Variants in ANK3 observed in about 807,000 individuals in gnomAD.
The protein encoded by ANK3 is ankyrin-3.
ANK3 carries 57 observed loss-of-function variants against 370.9 expected under a neutral mutation model. The ratio of observed to expected loss-of-function variants is 0.15; its 90% CI spans 0.12 to 0.19. ANK3 has a LOEUF of 0.19. ANK3 is among the 10% of genes least tolerant of loss of function. The probability of loss-of-function intolerance (pLI) is 1.00; values close to 1 mark genes in which losing one functional copy is unlikely to be tolerated. For missense variants in ANK3, 4,439 were observed against 5,302.1 expected (o/e 0.84, Z 5.06); for synonymous variants, 1,929 against 1,946.3 (o/e 0.99, Z 0.23).
rs759809728 is a variant in ANK3 at position 60,086,671 on chromosome 10, C to T, written c.3748+6G>A. On this transcript the variant is annotated splice_donor_region_variant and intron_variant, in intron 30 of 43. Transcript: ENST00000280772. Reference sequence around the variant, plus strand: ...AATAGGAAGTACAGCAGTGACTTAACCAAACCTGTAATGCTACAGAGAAGA... The same window carrying T: ...AATAGGAAGTACAGCAGTGACTTAATCAAACCTGTAATGCTACAGAGAAGA... The T allele has an allele frequency of 5.6e-6, 9 of 1,610,808 alleles. No homozygotes were observed. The highest frequency in any genetic ancestry group is 7.6e-6 in the Non-Finnish European group (9 of 1,178,012).
chr10:60,626,668 C>G (rs918692949), intron 1 of ANK3, among the ~76,000 whole-genome samples: 1 of 152,064 alleles, frequency 6.6e-6, no homozygotes, highest in Non-Finnish European at 1.5e-5. Flanking sequence ...ACAGTTCTTC[C>G]AAAACATTGA....
At chr10:60,251,306 T>C (rs911079289) in intron 7 of ANK3, among the ~76,000 whole-genome samples, 1 of 152,150 alleles carries the variant, frequency 6.6e-6, no homozygotes, top group African/African-American at 2.4e-5. Context: ...CTAGACACTT[T>C]CTGAGGAGCA....
chr10:60,532,727 C>T (rs1348370586), intron 2 of ANK3, among the ~76,000 whole-genome samples: 1 of 152,000 alleles, frequency 6.6e-6, no homozygotes, highest in African/African-American at 2.4e-5. Flanking sequence ...GGTTTTCAAC[C>T]AGAATGCTAT....
intron 7 of ANK3, among the ~76,000 whole-genome samples, chr10:60,246,508 A>G (rs2097558544): frequency 6.6e-6 from 1 of 152,216 alleles, no homozygotes; most frequent in Admixed American, 6.5e-5. Context: ...ACTGATGCCA[A>G]TGACATTTCC....
At chr10:60,586,049 C>CA (rs140584665) in intron 2 of ANK3, among the ~76,000 whole-genome samples, 33,163 of 149,378 alleles carry the variant, frequency 0.22, 3,916 homozygotes, top group South Asian at 0.37. Context: ...AACAAACAAA[C>CA]AAAAAAAAGA....
intron 2 of ANK3, among the ~76,000 whole-genome samples, chr10:60,399,640 T>C (rs1453121895): frequency 6.6e-6 from 1 of 152,194 alleles, no homozygotes; most frequent in Non-Finnish European, 1.5e-5. Flanking sequence ...GCCGCTACAG[T>C]TACCCAGGTG....
intron 2 of ANK3, among the ~76,000 whole-genome samples, chr10:60,574,439 T>C (rs7924098): frequency 0.47 from 71,780 of 152,092 alleles, 17,324 homozygotes; most frequent in Non-Finnish European, 0.52. Context: ...CATCTAATCA[T>C]CATGTTCTAC....
intron 2 of ANK3, among the ~76,000 whole-genome samples, chr10:60,512,564 GA>G (rs2076114467): frequency 6.6e-6 from 1 of 152,092 alleles, no homozygotes; most frequent in Non-Finnish European, 1.5e-5. Context: ...GCAGTGCAAG[GA>G]AAACGATTTT....
intron 2 of ANK3, among the ~76,000 whole-genome samples, chr10:60,467,361 A>G (rs539080804): frequency 6.6e-6 from 1 of 152,164 alleles, no homozygotes; most frequent in East Asian, 1.9e-4. Context: ...CCACTCTAGA[A>G]GTTTCATTTC....
intron 1 of ANK3, among the ~76,000 whole-genome samples, chr10:60,646,119 A>G (rs1044271319): frequency 1.3e-5 from 2 of 152,106 alleles, no homozygotes; most frequent in Non-Finnish European, 2.9e-5. Context: ...ACATGTTCCA[A>G]TATCAGCAGG....
At chr10:60,421,407 G>C (rs567466390) in intron 2 of ANK3, among the ~76,000 whole-genome samples, 4 of 151,688 alleles carry the variant, frequency 2.6e-5, no homozygotes, top group Admixed American at 6.6e-5. Flanking sequence ...GAAAGGAAAG[G>C]TTGCAATCTC....
chr10:60,327,188 AT>A (rs1272866832), intron 1 of ANK3, among the ~76,000 whole-genome samples: 1 of 152,150 alleles, frequency 6.6e-6, no homozygotes, highest in Non-Finnish European at 1.5e-5. Context: ...GGTGACAGTT[AT>A]GACCATCCTT....
At chr10:60,689,518 G>A (rs2079318659) in intron 1 of ANK3, among the ~76,000 whole-genome samples, 1 of 152,186 alleles carries the variant, frequency 6.6e-6, no homozygotes, top group African/African-American at 2.4e-5. Context: ...TTGGGAGGCT[G>A]AGGCAGGTGG....
At chr10:60,446,144 G>A (rs1595051119) in intron 2 of ANK3, among the ~76,000 whole-genome samples, 1 of 152,220 alleles carries the variant, frequency 6.6e-6, no homozygotes, top group East Asian at 1.9e-4. Context: ...TAGCCATTTA[G>A]AATTTTAAGC....
At chr10:60,271,312 C>T (rs771616163) in intron 4 of ANK3, among the ~76,000 whole-genome samples, 13 of 152,018 alleles carry the variant, frequency 8.6e-5, no homozygotes, top group Non-Finnish European at 1.6e-4. Flanking sequence ...TCAAACGATC[C>T]TTCTGCCTCA....
chr10:60,467,573 C>T (rs2065039003), intron 2 of ANK3, among the ~76,000 whole-genome samples: 1 of 152,118 alleles, frequency 6.6e-6, no homozygotes, highest in African/African-American at 2.4e-5. Flanking sequence ...CACAGGCTGG[C>T]ACTATTAATC....
intron 1 of ANK3, among the ~76,000 whole-genome samples, chr10:60,339,939 A>C (rs1398180661): frequency 6.6e-6 from 1 of 152,210 alleles, no homozygotes; most frequent in African/African-American, 2.4e-5. Flanking sequence ...GATTACATGT[A>C]TCTATGATGA....
intron 1 of ANK3, among the ~76,000 whole-genome samples, chr10:60,716,505 C>G (rs777036946): frequency 6.6e-6 from 1 of 152,052 alleles, no homozygotes; most frequent in Non-Finnish European, 1.5e-5. Flanking sequence ...CAATCTCACA[C>G]TCAATTTAAA....
chr10:60,078,019 C>G (rs1334471621), intron 36 of ANK3, among the ~76,000 whole-genome samples: 2 of 152,228 alleles, frequency 1.3e-5, no homozygotes, highest in Admixed American at 6.5e-5. Flanking sequence ...ACAAACCAAA[C>G]TGGTCAGAGA....
Sources: gnomAD v4.1 joint callset for allele counts (sites outside exome capture counted in the v4.1 genomes callset) on GRCh38, gnomAD v4.1.1 for gene constraint, MANE v1.5 for transcripts, NCBI Gene and HGNC (gene_info 2026-07-23, HGNC 2026-07-21) for gene names.